RAB40B: variants seen among roughly 807,000 people sequenced by gnomAD.
RAB40B encodes the protein RAB40B, member RAS oncogene family.
In RAB40B, 21 loss-of-function variants were observed where a neutral mutation model predicts 24.0. That is an observed-to-expected ratio of 0.88 (90% CI 0.62 to 1.26). RAB40B has a LOEUF of 1.26. Ranked by LOEUF, RAB40B falls within the 50% of genes most tolerant of loss-of-function variation. The probability of loss-of-function intolerance (pLI) is 0.00; values close to 1 mark genes in which losing one functional copy is unlikely to be tolerated. For synonymous variants in RAB40B, 167 were observed against 169.8 expected, an observed-to-expected ratio of 0.98 and a Z score of 0.13; for missense variants, 348 against 390.5, an observed-to-expected ratio of 0.89 and a Z score of 0.92.
At chr17:82,674,564 AG>A (rs1443114946) in intron 1 of RAB40B, among the ~76,000 whole-genome samples, 1 of 140,612 alleles carries the variant, frequency 7.1e-6, no homozygotes, top group Non-Finnish European at 1.6e-5. Context: ...GCGTGAACCC[AG>A]GAGGCGGAGC....
At chr17:82,668,760 C>CCCCAGGGCAGCGGG (rs2046292979) in intron 1 of RAB40B, among the ~76,000 whole-genome samples, 1 of 152,242 alleles carries the variant, frequency 6.6e-6, no homozygotes, top group African/African-American at 2.4e-5. Flanking sequence ...CACAGAGACG[C>CCCCAGGGCAGCGGG]CCGCGTCTAG....
At chr17:82,673,391 A>G (rs1024735346) in intron 1 of RAB40B, among the ~76,000 whole-genome samples, 2 of 152,212 alleles carry the variant, frequency 1.3e-5, no homozygotes, top group African/African-American at 2.4e-5. Flanking sequence ...TCCTGCTCCC[A>G]TCTGGACTGG....
rs185265140 is a variant in RAB40B at position 82,659,723 on chromosome 17, C to A, written c.265-66G>T. The A allele has an allele frequency of 1.7e-5, 21 of 1,249,820 alleles. No homozygotes were observed. In the Admixed American group the frequency reaches 2.9e-4, roughly 18 times the overall value. The allele number at this position is 1,249,820 out of a possible 1,614,324, so 77.4% of individuals were successfully genotyped here. The stretch of plus-strand genomic sequence containing the variant: ...GCAGGCACAGCTGTGGCCATGCACG[C>A]AAAGACATACAACTAAATAACCACT... On this transcript the variant is annotated intron_variant, in intron 3 of 5. Transcript: ENST00000571995.
chr17:82,659,576 A>G lies in RAB40B; in HGVS notation c.342+4T>C. ...TCTTGGGCAGTGGCATTTCTACAAC[A>G]TACCTCATCGATCTCCTTAATCCAT... is the stretch of plus-strand genomic sequence containing the variant. On this transcript the variant is annotated splice_donor_region_variant and intron_variant, in intron 4 of 5. Coordinates refer to ENST00000571995, the MANE Select transcript of RAB40B (RefSeq NM_006822.3). 6.2e-7 allele frequency: 1 copy of G among 1,613,964 alleles called. No individual in the cohort carries two copies. Among genetic ancestry groups the G allele is most frequent in the Middle Eastern group, 1.6e-4 (1 of 6,062 alleles).
intron 4 of RAB40B, chr17:82,659,327 A>G (rs917394792): frequency 2.4e-5 from 12 of 505,394 alleles, no homozygotes; most frequent in Middle Eastern, 5.4e-4. Context: ...GACCCCACGC[A>G]TAGCCGAGGT....
Position 82,667,302 on chromosome 17 carries a change from C to A in RAB40B, c.143-2746G>T, listed in dbSNP as rs1251183206. The stretch of plus-strand genomic sequence containing the variant: ...AGTGGCGGTGCCACCGGTGGCCTCC[C>A]ACTTGGCTTGGACAGCTGGTCGCCC... On this transcript the variant is annotated intron_variant, in intron 1 of 5. Transcript: ENST00000571995. This position sits in a 1 kb window ranked among gnomAD's most constrained non-coding sequence, Gnocchi z 4.3. Among the ~76,000 whole-genome samples, 2 of 152,236 alleles carry A rather than the reference C, an allele frequency of 1.3e-5. No homozygotes were observed. The highest frequency in any genetic ancestry group is 2.9e-5 in the Non-Finnish European group (2 of 68,040).
In RAB40B at chr17:82,655,117, T is replaced by A. The variant is rs1351176847; in HGVS notation, c.*2746A>T. ...CTTTCTGCCGTGAGCGTAACTCACT[T>A]CCTTGTAGGAGTTTCCTGAGGCTGC... On this transcript the variant is annotated 3_prime_UTR_variant, in exon 6 of 6. Transcript: ENST00000571995. 2.6e-5 allele frequency: 4 copies of A among 152,218 alleles called. No individual in the cohort carries two copies. Among genetic ancestry groups the A allele is most frequent in the African/African-American group, 9.6e-5 (4 of 41,460 alleles). 9.4% of individuals were successfully genotyped at this position (152,218 alleles called of 1,614,324 possible). A position where few individuals can be genotyped will look rare whatever the true frequency, so the allele number is the denominator to read the frequency against.
intron 1 of RAB40B, among the ~76,000 whole-genome samples, chr17:82,687,535 G>A (rs111441332): frequency 3.1e-4 from 47 of 152,258 alleles, no homozygotes; most frequent in Middle Eastern, 6.8e-3. Context: ...GTTGAGATAC[G>A]TAACCCACAT....
chr17:82,679,218 G>A (rs962940648), intron 1 of RAB40B, among the ~76,000 whole-genome samples: 9 of 151,548 alleles, frequency 5.9e-5, no homozygotes, highest in African/African-American at 1.9e-4. Context: ...GCGCCCACCA[G>A]CAACCACCTT....
intron 1 of RAB40B, among the ~76,000 whole-genome samples, chr17:82,691,674 T>C (rs1301658333): frequency 2.0e-5 from 3 of 152,010 alleles, no homozygotes; most frequent in East Asian, 3.9e-4. Context: ...AGAGCGAGAC[T>C]CCATCTCAAA....
chr17:82,659,009 G>C, intron 4 of RAB40B: 1 of 374,424 alleles, frequency 2.7e-6, no homozygotes, highest in Non-Finnish European at 4.9e-6. Context: ...CCACAAGCCA[G>C]GGAGGGCCCA....
In RAB40B at chr17:82,659,512, C is replaced by G. The variant is rs576970590; in HGVS notation, c.342+68G>C. 1.7e-5 allele frequency: 26 copies of G among 1,526,002 alleles called. No homozygotes were observed. The African/African-American group carries it at 3.3e-4, about 19-fold the overall frequency. 94.5% of individuals were successfully genotyped at this position (1,526,002 alleles called of 1,614,324 possible). ...ACCCATGAGCCCTGGAGGGCCCGGC[C>G]CTAATTCCTGGCCTGACGTCCTCCC... On this transcript the variant is annotated intron_variant, in intron 4 of 5. Coordinates refer to ENST00000571995, the MANE Select transcript of RAB40B (RefSeq NM_006822.3).
chr17:82,662,196 C>A (rs1207847046), intron 2 of RAB40B: 2 of 985,316 alleles, frequency 2.0e-6, no homozygotes, highest in Non-Finnish European at 2.4e-6. Flanking sequence ...AGGGGACCAG[C>A]GACACTGGCC....
intron 1 of RAB40B, among the ~76,000 whole-genome samples, chr17:82,683,805 C>CAAAAAAAAAAAAA (rs35145848): frequency 1.1e-5 from 1 of 90,798 alleles, no homozygotes; most frequent in Non-Finnish European, 2.2e-5. Context: ...ACCCTGTTTC[C>CAAAAAAAAAAAAA]AAAAAAAAAA....
chr17:82,658,267 A>G (rs2046112089), intron 5 of RAB40B, 133 bp from the exon 6 acceptor site: 2 of 1,290,626 alleles, frequency 1.5e-6, no homozygotes, highest in South Asian at 1.5e-5. Flanking sequence ...ACATGCAGCA[A>G]GCCCTGCCGC....
chr17:82,678,748 A>G (rs2046419297), intron 1 of RAB40B, among the ~76,000 whole-genome samples: 1 of 152,158 alleles, frequency 6.6e-6, no homozygotes, highest in Non-Finnish European at 1.5e-5. Flanking sequence ...TGGACAGCAC[A>G]GGGCTCCTGG....
rs1159460182 is a variant in RAB40B at position 82,662,853 on chromosome 17, G to A, written c.203+1643C>T. The A allele has an allele frequency of 4.1e-6, 4 of 979,164 alleles. No individual in the cohort carries two copies. In the African/African-American group the frequency reaches 5.3e-5, roughly 13 times the overall value. 60.7% of individuals were successfully genotyped at this position (979,164 alleles called of 1,614,324 possible). A position where few individuals can be genotyped will look rare whatever the true frequency, so the allele number is the denominator to read the frequency against. On this transcript the variant is annotated intron_variant, in intron 2 of 5. Transcript: ENST00000571995. Reference sequence around the variant, plus strand: ...AGCCAGACCCGGGGTGGAGCTGGGAGAGGGCACGCGCCAGCCCTGATGCAA... The same window carrying A: ...AGCCAGACCCGGGGTGGAGCTGGGAAAGGGCACGCGCCAGCCCTGATGCAA...
intron 2 of RAB40B, among the ~76,000 whole-genome samples, chr17:82,661,422 C>T (rs2046171073): frequency 6.6e-6 from 1 of 152,164 alleles, no homozygotes; most frequent in Non-Finnish European, 1.5e-5. Context: ...GATCCCTGCT[C>T]TTCCAGTTCA....
chr17:82,687,832 G>A (rs562073907), intron 1 of RAB40B, among the ~76,000 whole-genome samples: 7 of 152,306 alleles, frequency 4.6e-5, no homozygotes, highest in Admixed American at 4.6e-4. Flanking sequence ...AACACTTTGG[G>A]AAGCTGAGGC....
Sources: gnomAD v4.1 joint callset for allele counts (sites outside exome capture counted in the v4.1 genomes callset) on GRCh38, gnomAD v4.1.1 for gene constraint, Gnocchi (gnomAD v3.1) non-coding constraint, MANE v1.5 for transcripts, NCBI Gene and HGNC (gene_info 2026-07-23, HGNC 2026-07-21) for gene names.